Variants in LSAMP observed in about 807,000 individuals in gnomAD.
The protein encoded by LSAMP is limbic system associated membrane protein.
In LSAMP, 7 loss-of-function variants were observed where a neutral mutation model predicts 38.6. The observed-to-expected ratio is 0.18, with a 90% confidence interval of 0.10 to 0.34. The LOEUF (loss-of-function observed/expected upper bound fraction) is 0.34, where lower values mean the gene tolerates loss of function less well. Ranked by LOEUF, LSAMP falls within the 10% of genes least tolerant of loss-of-function variation. LSAMP has a pLI of 1.00. For missense variants in LSAMP, 313 were observed against 420.0 expected, an observed-to-expected ratio of 0.75 and a Z score of 2.23; for synonymous variants, 154 against 166.8, an observed-to-expected ratio of 0.92 and a Z score of 0.59.
intron 3 of LSAMP, among the ~76,000 whole-genome samples, chr3:115,897,408 T>A (rs1481791106): frequency 1.3e-5 from 2 of 152,058 alleles, no homozygotes; most frequent in Non-Finnish European, 2.9e-5. Context: ...GTTATTTAGT[T>A]ATTTACCTCC....
chr3:115,942,679 A>G (rs1367493332), intron 3 of LSAMP, among the ~76,000 whole-genome samples: 1 of 152,154 alleles, frequency 6.6e-6, no homozygotes, highest in Non-Finnish European at 1.5e-5. Flanking sequence ...TAAAATGCAT[A>G]TTTCCAGGTC....
At chr3:115,995,886 C>T (rs1208947124) in intron 3 of LSAMP, among the ~76,000 whole-genome samples, 2 of 151,896 alleles carry the variant, frequency 1.3e-5, no homozygotes, top group African/African-American at 4.8e-5. Context: ...AGTGATTAGT[C>T]TATGGGGACA....
chr3:115,990,102 T>C (rs1939625012), intron 3 of LSAMP, among the ~76,000 whole-genome samples: 1 of 152,080 alleles, frequency 6.6e-6, no homozygotes, highest in Non-Finnish European at 1.5e-5. Flanking sequence ...ATCTAGTTCT[T>C]AACCAGCCTC....
intron 1 of LSAMP, among the ~76,000 whole-genome samples, chr3:116,344,437 T>A (rs1469816832): frequency 1.3e-5 from 2 of 152,094 alleles, no homozygotes; most frequent in Non-Finnish European, 2.9e-5. Context: ...TATTTTAATT[T>A]AATTGCATGC....
intron 1 of LSAMP, among the ~76,000 whole-genome samples, chr3:116,110,645 C>A (rs1708585892): frequency 6.6e-6 from 1 of 152,102 alleles, no homozygotes; most frequent in Non-Finnish European, 1.5e-5. Context: ...TAAAAAGAGG[C>A]CGCTTACCAG....
intron 3 of LSAMP, among the ~76,000 whole-genome samples, chr3:115,904,653 C>A (rs190259166): frequency 6.6e-6 from 1 of 152,188 alleles, no homozygotes; most frequent in Non-Finnish European, 1.5e-5. Context: ...TTCTAAAATG[C>A]GAATCTGATC....
At chr3:116,252,753 A>G (rs1159772187) in intron 1 of LSAMP, among the ~76,000 whole-genome samples, 1 of 152,202 alleles carries the variant, frequency 6.6e-6, no homozygotes, top group East Asian at 1.9e-4. Flanking sequence ...CAACTCTACC[A>G]TTTCTGTAAA....
At chr3:116,009,787 C>T (rs540903643) in intron 3 of LSAMP, among the ~76,000 whole-genome samples, 1 of 152,090 alleles carries the variant, frequency 6.6e-6, no homozygotes, top group Non-Finnish European at 1.5e-5. Context: ...TTCCCTAACA[C>T]ACCCTCACCC....
chr3:115,954,158 T>G (rs1246437142), intron 3 of LSAMP, among the ~76,000 whole-genome samples: 2 of 152,186 alleles, frequency 1.3e-5, no homozygotes, highest in Non-Finnish European at 2.9e-5. Flanking sequence ...TACTTATTTA[T>G]TTTTTTACTA....
chr3:115,968,474 G>A (rs990095197), intron 3 of LSAMP, among the ~76,000 whole-genome samples: 2 of 152,168 alleles, frequency 1.3e-5, no homozygotes, highest in Middle Eastern at 3.2e-3. Flanking sequence ...CTCAGGGTGT[G>A]TCTAGACATG....
At chr3:115,918,055 AG>A (rs1282305644) in intron 3 of LSAMP, among the ~76,000 whole-genome samples, 1 of 152,174 alleles carries the variant, frequency 6.6e-6, no homozygotes, top group East Asian at 1.9e-4. Context: ...GGCAGGGGTC[AG>A]GTCAGGTTCA....
At chr3:116,439,025 G>A (rs1197274747) in intron 1 of LSAMP, among the ~76,000 whole-genome samples, 3 of 152,104 alleles carry the variant, frequency 2.0e-5, no homozygotes, top group Non-Finnish European at 4.4e-5. Context: ...TCCTTATCCA[G>A]TTAGGCATTG....
At chr3:115,899,915 C>T (rs1406836679) in intron 3 of LSAMP, among the ~76,000 whole-genome samples, 1 of 152,110 alleles carries the variant, frequency 6.6e-6, no homozygotes, top group Non-Finnish European at 1.5e-5. Context: ...GATCGTCTTC[C>T]TGATGACCAT....
intron 1 of LSAMP, among the ~76,000 whole-genome samples, chr3:116,304,498 G>A (rs2047456154): frequency 6.6e-6 from 1 of 152,120 alleles, no homozygotes; most frequent in African/African-American, 2.4e-5. Context: ...TTCAAAGTAT[G>A]AAGGATGAGT....
chr3:116,268,364 T>C (rs988149159), intron 1 of LSAMP, among the ~76,000 whole-genome samples: 3 of 152,110 alleles, frequency 2.0e-5, no homozygotes, highest in African/African-American at 4.8e-5. Context: ...AATGGAAATA[T>C]AAGGCATAAA....
chr3:116,205,240 G>T (rs1209447863), intron 1 of LSAMP, among the ~76,000 whole-genome samples: 1 of 148,850 alleles, frequency 6.7e-6, no homozygotes, highest in Admixed American at 6.7e-5. Flanking sequence ...TGTGATTTTT[G>T]TACGTTGATT....
chr3:116,184,705 T>C (rs146982040), intron 1 of LSAMP, among the ~76,000 whole-genome samples: 23 of 152,090 alleles, frequency 1.5e-4, no homozygotes, highest in African/African-American at 5.5e-4. Flanking sequence ...ACATTTTTAG[T>C]ATGATATATA....
intron 1 of LSAMP, among the ~76,000 whole-genome samples, chr3:116,279,317 G>T (rs1404798224): frequency 6.6e-6 from 1 of 152,120 alleles, no homozygotes; most frequent in Non-Finnish European, 1.5e-5. Flanking sequence ...AAGCAAAATG[G>T]CCTCCTTCTC....
intron 1 of LSAMP, among the ~76,000 whole-genome samples, chr3:116,437,146 T>A (rs1475091591): frequency 1.3e-5 from 2 of 151,792 alleles, no homozygotes; most frequent in African/African-American, 4.8e-5. Context: ...TTATTCTAAA[T>A]GAAGTAACTC....
Sources: allele counts gnomAD v4.1 joint callset (sites outside exome capture counted in the v4.1 genomes callset), GRCh38; gene constraint gnomAD v4.1.1; transcripts MANE v1.5; gene names NCBI Gene and HGNC (gene_info 2026-07-23, HGNC 2026-07-21).